RABGEF1: variants seen among roughly 807,000 people sequenced by gnomAD.
RABGEF1 encodes RAB guanine nucleotide exchange factor 1.
Under a neutral mutation model 57.3 loss-of-function variants are expected in RABGEF1, and 26 were observed. The ratio of observed to expected loss-of-function variants is 0.45; its 90% CI spans 0.33 to 0.63. RABGEF1 has a LOEUF of 0.63. Among genes scored for constraint, RABGEF1 ranks in the 20% least tolerant of loss-of-function variants. The pLI is 0.02. For missense variants in RABGEF1, 464 were observed against 607.6 expected (o/e 0.76, Z 2.48); for synonymous variants, 185 against 210.7 (o/e 0.88, Z 1.06).
intron 4 of RABGEF1, among the ~76,000 whole-genome samples, chr7:66,794,325 T>A (rs1813511351): frequency 6.6e-6 from 1 of 151,574 alleles, no homozygotes; most frequent in Non-Finnish European, 1.5e-5. Flanking sequence ...CCTCTTCTCT[T>A]TTCTTTTCTT....
rs556057878 is a variant in RABGEF1, at chr7:66,707,020, C to T, written c.-872-5147C>T. 9.2e-5 allele frequency among the ~76,000 whole-genome samples: 14 copies of T among 151,792 alleles called. No homozygotes were observed. In the South Asian group the frequency reaches 1.7e-3, roughly 18 times the overall value. Reference sequence around the variant, plus strand: ...CAGGATGGTCTCGATCTCCTGGCCTCGTGATCCACCCGCCTCGGCCTCCCA... The same window carrying T: ...CAGGATGGTCTCGATCTCCTGGCCTTGTGATCCACCCGCCTCGGCCTCCCA... On this transcript the variant is annotated intron_variant and NMD_transcript_variant, in intron 1 of 9. Coordinates refer to the RABGEF1 transcript ENST00000607882.
chr7:66,760,937 G>T (rs1804175277), intron 1 of RABGEF1, among the ~76,000 whole-genome samples: 1 of 152,148 alleles, frequency 6.6e-6, no homozygotes, highest in Admixed American at 6.5e-5. Context: ...CCCTGGGGAA[G>T]GGATTTTTGT....
Position 66,796,804 on chromosome 7 carries a change from T to C in RABGEF1, c.596-570T>C, listed in dbSNP as rs1378402966. The C allele has an allele frequency of 6.4e-5, 24 of 372,440 alleles. No individual in the cohort carries two copies. In the Admixed American group the frequency reaches 9.2e-4, roughly 14 times the overall value. The allele number at this position is 372,440 out of a possible 1,614,324, so 23.1% of individuals were successfully genotyped here. On this transcript the variant is annotated intron_variant, in intron 5 of 8. Coordinates refer to ENST00000284957, the MANE Select transcript of RABGEF1 (RefSeq NM_014504.3). ...GGAGATTTCACCATGTTGGCCAGGC[T>C]GGTCTTGAACTCCTGACCTCAGGCG... is the stretch of plus-strand genomic sequence containing the variant.
chr7:66,713,419 C>T (rs749205928), intron 2 of RABGEF1, among the ~76,000 whole-genome samples: 13 of 152,172 alleles, frequency 8.5e-5, no homozygotes, highest in East Asian at 7.7e-4. Context: ...TGAGCCACTG[C>T]GTCTAGCCCA....
At chr7:66,703,364 C>A (rs994429518) in intron 1 of RABGEF1, among the ~76,000 whole-genome samples, 1 of 152,138 alleles carries the variant, frequency 6.6e-6, no homozygotes, top group South Asian at 2.1e-4. Context: ...AAATCATTGC[C>A]AAATCCCAGG....
At chr7:66,706,778 GTTTTTTTTT>G (rs199965735) in intron 1 of RABGEF1, among the ~76,000 whole-genome samples, 1 of 120,696 alleles carries the variant, frequency 8.3e-6, no homozygotes, top group African/African-American at 3.1e-5. Flanking sequence ...TGACATACTG[GTTTTTTTTT>G]TTTTTTTTTT....
At chr7:66,741,480 T>G (rs1171974188) in intron 1 of RABGEF1, among the ~76,000 whole-genome samples, 1 of 152,118 alleles carries the variant, frequency 6.6e-6, no homozygotes, top group Admixed American at 6.5e-5. Flanking sequence ...GGAGGGACTC[T>G]GCCGCTTTGG....
chr7:66,790,639 T>C (rs1407788106), intron 4 of RABGEF1, among the ~76,000 whole-genome samples: 1 of 152,236 alleles, frequency 6.6e-6, no homozygotes, highest in Admixed American at 6.5e-5. Flanking sequence ...TCACTTGCCG[T>C]AGTTCATGAA....
At chr7:66,704,792 CAA>C (rs1450408734) in intron 1 of RABGEF1, among the ~76,000 whole-genome samples, 1 of 144,704 alleles carries the variant, frequency 6.9e-6, no homozygotes, top group Non-Finnish European at 1.5e-5. Context: ...GCCTGGGTGA[CAA>C]AGTGAGACTC....
chr7:66,727,200 G>A (rs1283092114), intron 2 of RABGEF1, among the ~76,000 whole-genome samples: 2 of 152,076 alleles, frequency 1.3e-5, no homozygotes, highest in African/African-American at 2.4e-5. Flanking sequence ...CTGTAGAATC[G>A]GGATCTTTGC....
At chr7:66,784,868 A>G (rs1810794585) in intron 4 of RABGEF1, among the ~76,000 whole-genome samples, 1 of 151,922 alleles carries the variant, frequency 6.6e-6, no homozygotes, top group Non-Finnish European at 1.5e-5. Context: ...TTTTTTTTTA[A>G]GTTAGGAAAC....
At chr7:66,694,807 G>A (rs62466133) in intron 1 of RABGEF1, among the ~76,000 whole-genome samples, 6,006 of 152,302 alleles carry the variant, frequency 0.039, 167 homozygotes, top group East Asian at 0.085. Flanking sequence ...GGGTGCTTTG[G>A]TAGGCGTCAG....
chr7:66,664,547 T>C, the RABGEF1 span, among the ~76,000 whole-genome samples: 1 of 151,846 alleles, frequency 6.6e-6, no homozygotes, highest in South Asian at 2.1e-4. Context: ...GAGGCTGCAG[T>C]GAGCCATGAT....
chr7:66,782,470 T>C (rs1810172772), intron 3 of RABGEF1, among the ~76,000 whole-genome samples: 1 of 151,974 alleles, frequency 6.6e-6, no homozygotes, highest in African/African-American at 2.4e-5. Context: ...CCTTACTTTT[T>C]TTTTTTTTTT....
chr7:66,791,504 A>G (rs551851588), intron 4 of RABGEF1, among the ~76,000 whole-genome samples: 3 of 152,376 alleles, frequency 2.0e-5, no homozygotes, highest in South Asian at 4.1e-4. Flanking sequence ...AAATATGGAC[A>G]TGAAAGCTAA....
intron 8 of RABGEF1, among the ~76,000 whole-genome samples, chr7:66,806,780 A>G (rs965338896): frequency 4.0e-5 from 6 of 150,396 alleles, no homozygotes; most frequent in African/African-American, 1.5e-4. Flanking sequence ...AGTAGCTGGG[A>G]TTACAGATGT....
At chr7:66,703,218 C>G (rs754722431) in intron 1 of RABGEF1, among the ~76,000 whole-genome samples, 2 of 152,140 alleles carry the variant, frequency 1.3e-5, no homozygotes, top group Non-Finnish European at 2.9e-5. Flanking sequence ...CGTGCCCGCC[C>G]GCCTTGGCCT....
In RABGEF1 at chr7:66,792,760, C is replaced by T. The variant is rs1485717587; in HGVS notation, c.514-2751C>T. 2.6e-5 allele frequency among the ~76,000 whole-genome samples: 4 copies of T among 152,220 alleles called. No homozygotes were observed. In the East Asian group the frequency reaches 7.7e-4, roughly 29 times the overall value. ...TAAAGGGAGGAATGGTAATAAATGG[C>T]CACATTTATTCATTCAACCCATACT... On this transcript the variant is annotated intron_variant, in intron 4 of 8. Transcript: ENST00000284957.
intron 1 of RABGEF1, among the ~76,000 whole-genome samples, chr7:66,765,269 A>G (rs1159597922): frequency 6.6e-6 from 1 of 152,000 alleles, no homozygotes; most frequent in Non-Finnish European, 1.5e-5. Context: ...TGGAGTGCAG[A>G]TAGGACTGAT....
Sources: gnomAD v4.1 joint callset for allele counts (sites outside exome capture counted in the v4.1 genomes callset) on GRCh38, gnomAD v4.1.1 for gene constraint, MANE v1.5 for transcripts, NCBI Gene and HGNC (gene_info 2026-07-23, HGNC 2026-07-21) for gene names.